Variants in GREM1 observed in about 807,000 individuals in gnomAD.
GREM1 encodes the protein gremlin 1, DAN family BMP antagonist, also known as gremlin-1.
GREM1 carries 6 observed loss-of-function variants against 13.1 expected under a neutral mutation model. The observed-to-expected ratio is 0.46, with a 90% CI of 0.25 to 0.91. The LOEUF is 0.91. Among genes scored for constraint, GREM1 ranks in the 40% least tolerant of loss-of-function variants. GREM1 has a pLI of 0.18. For missense variants in GREM1, 185 were observed against 233.9 expected (o/e 0.79, Z 1.36); for synonymous variants, 98 against 93.7 (o/e 1.05, Z -0.27).
chr15:32,722,256 C>T (rs2055420615), intron 1 of GREM1, among the ~76,000 whole-genome samples: 1 of 152,224 alleles, frequency 6.6e-6, no homozygotes. Context: ...AAAACCTGGC[C>T]TGCACTTAGA....
chr15:32,718,312 C>A (rs142114172), intron 1 of GREM1, 151 bp downstream of exon 1: 1 of 589,846 alleles, frequency 1.7e-6, no homozygotes, highest in Non-Finnish European at 3.0e-6. Flanking sequence ...GAAGAACCAT[C>A]GCGGGGTCCT....
rs1300014869 is a variant in GREM1, at chr15:32,732,457, T to A, written c.*1212T>A. 6 of 245,236 alleles carry A rather than the reference T, an allele frequency of 2.4e-5. No homozygotes were observed. Among genetic ancestry groups the A allele is most frequent in the Non-Finnish European group, 5.2e-5 (6 of 116,308 alleles). 15.2% of individuals were successfully genotyped at this position (245,236 alleles called of 1,614,324 possible). On this transcript the variant is annotated 3_prime_UTR_variant, in exon 2 of 2. Transcript: ENST00000651154. ...GCAAGAGATATTTTGGGGGTCTTTT[T>A]GTTTTAACTATTGTCAGGAGATTGG...
chr15:32,718,823 G>T (rs1198491656), intron 1 of GREM1: 2 of 304,732 alleles, frequency 6.6e-6, no homozygotes, highest in Non-Finnish European at 1.3e-5. Flanking sequence ...CAGCGAACCC[G>T]CAGTGCTCAC....
In GREM1 at chr15:32,734,159, T is replaced by G. The variant is rs1480715181; in HGVS notation, c.*2914T>G. The G allele has an allele frequency of 4.1e-6, 1 of 241,284 alleles. No homozygotes were observed. The highest frequency in any genetic ancestry group is 6.4e-5 in the East Asian group (1 of 15,606). 14.9% of individuals were successfully genotyped at this position (241,284 alleles called of 1,614,324 possible). On this transcript the variant is annotated 3_prime_UTR_variant, in exon 2 of 2. Coordinates refer to ENST00000651154, the MANE Select transcript of GREM1 (RefSeq NM_013372.7). ...CAAAATCTTGACCCAGCTGAACATG[T>G]CTTCCTGAGTCAGTGCCTGAATCTT...
rs2055723391 is a variant in GREM1 at position 32,738,106 on chromosome 15, A to ACC, written c.*6861_*6862insCC. On this transcript the variant is annotated 3_prime_UTR_variant, in exon 2 of 2. Coordinates refer to ENST00000651154, the MANE Select transcript of GREM1 (RefSeq NM_013372.7). ...GGCAAAAAAAAAAAAAAAAAAAAAAAAAAAAAAAAAAAAAAAAAAAAAAAA... is the reference window on the plus strand; with the variant it reads ...GGCAAAAAAAAAAAAAAAAAAAAAAACCAAAAAAAAAAAAAAAAAAAAAAAAA... 7 of 101,248 alleles carry ACC rather than the reference A, an allele frequency of 6.9e-5. No individual in the cohort carries two copies. The highest frequency in any genetic ancestry group is 1.2e-4 in the Admixed American group (1 of 8,494). 6.3% of individuals were successfully genotyped at this position (101,248 alleles called of 1,614,324 possible).
At chr15:32,722,338 C>A (rs2055421626) in intron 1 of GREM1, among the ~76,000 whole-genome samples, 1 of 152,200 alleles carries the variant, frequency 6.6e-6, no homozygotes, top group Admixed American at 6.5e-5. Flanking sequence ...GAATGTCTTT[C>A]TAAAGCTTGA....
At chr15:32,718,836 G>A in intron 1 of GREM1, 1 of 262,062 alleles carries the variant, frequency 3.8e-6, no homozygotes, top group Admixed American at 4.7e-5. Context: ...GTGCTCACAA[G>A]GCAGACACCA....
At chr15:32,728,891 G>A (rs917671757) in intron 1 of GREM1, among the ~76,000 whole-genome samples, 3 of 152,052 alleles carry the variant, frequency 2.0e-5, no homozygotes, top group Admixed American at 6.6e-5. Context: ...AATTCTCTCC[G>A]TGCCCCATGG....
Position 32,736,376 on chromosome 15 carries a change from T to C in GREM1, c.*5131T>C, listed in dbSNP as rs2055697740. 1 of 152,154 alleles carries C rather than the reference T, an allele frequency of 6.6e-6. No homozygotes were observed. 9.4% of individuals were successfully genotyped at this position (152,154 alleles called of 1,614,324 possible). On this transcript the variant is annotated 3_prime_UTR_variant, in exon 2 of 2. Transcript: ENST00000651154. ...AGGGACTTTGAAAAGCTCCAAAGTG[T>C]TATTGGCAATCTAGACTGCCAAATG...
intron 1 of GREM1, among the ~76,000 whole-genome samples, chr15:32,722,625 C>G (rs1307803246): frequency 6.6e-6 from 1 of 152,182 alleles, no homozygotes; most frequent in Non-Finnish European, 1.5e-5. Context: ...TTGCCATGAC[C>G]TGCACAGGAT....
In GREM1 at chr15:32,743,685, G is replaced by GT. The variant is rs2055780947; in HGVS notation, c.*12442dup. On this transcript the variant is annotated 3_prime_UTR_variant, in exon 2 of 2. Transcript: ENST00000651154. ...ATGTGGTGTACTCACGTGGCTGTTG[G>GT]TTGGAGGCCAAATGTGCTAGGCAAA... 1 of 152,134 alleles carries GT rather than the reference G, an allele frequency of 6.6e-6. No individual in the cohort carries two copies. The highest frequency in any genetic ancestry group is 2.4e-5 in the African/African-American group (1 of 41,414). 9.4% of individuals were successfully genotyped at this position (152,134 alleles called of 1,614,324 possible).
rs2055757646 is a variant in GREM1 at position 32,741,070 on chromosome 15, A to C, written c.*9825A>C. ...AGTTGTAAGGAAAAGAGATACAAGG[A>C]GTCAAAAATAACAAATATCTACTTA... On this transcript the variant is annotated 3_prime_UTR_variant, in exon 2 of 2. Coordinates refer to ENST00000651154, the MANE Select transcript of GREM1 (RefSeq NM_013372.7). The C allele has an allele frequency of 6.6e-6, 1 of 152,236 alleles. No homozygotes were observed. Among genetic ancestry groups the C allele is most frequent in the Non-Finnish European group, 1.5e-5 (1 of 68,040 alleles). The allele number at this position is 152,236 out of a possible 1,614,324, so 9.4% of individuals were successfully genotyped here. A position where few individuals can be genotyped will look rare whatever the true frequency, so the allele number is the denominator to read the frequency against.
Position 32,731,090 on chromosome 15 carries a change from G to A in GREM1, c.400G>A (p.Glu134Lys), listed in dbSNP as rs1202298191. ...CTACATCCCCAGGCACATCCGGAAGGAGGAAGGTTCCTTTCAGTCCTGCTC... is the reference window on the plus strand; with the variant it reads ...CTACATCCCCAGGCACATCCGGAAGAAGGAAGGTTCCTTTCAGTCCTGCTC... ...SFYIPRHIRK[E>K]EGSFQSCSFC... The change falls in exon 2 of 2, where the codon GAG (glutamate) becomes AAG (lysine). Residue 134 changes from glutamate (E) to lysine (K), a missense_variant. By Grantham distance (56) the Glu-to-Lys change is moderately conservative. Transcript: ENST00000651154. 1.2e-6 allele frequency: 2 copies of A among 1,614,208 alleles called. No individual in the cohort carries two copies. Among genetic ancestry groups the A allele is most frequent in the South Asian group, 2.2e-5 (2 of 91,090 alleles).
In GREM1 at chr15:32,730,718, GCCCTGCTTCTCCTCTTGGGGA is replaced by G; in HGVS notation, c.36_56del (p.Leu13_Leu19del). 6.3e-7 allele frequency: 1 copy of G among 1,578,858 alleles called. No individual in the cohort carries two copies. Among genetic ancestry groups the G allele is most frequent in the Non-Finnish European group, 8.6e-7 (1 of 1,165,726 alleles). ...GAGCCGCACAGCCTACACGGTGGGAGCCCTGCTTCTCCTCTTGGGGACCCTGCTGCCGGCTGCTGAAGGGAA... is the reference window on the plus strand; with the variant it reads ...GAGCCGCACAGCCTACACGGTGGGAGCCCTGCTGCCGGCTGCTGAAGGGAA... On this transcript the variant is annotated inframe_deletion, in exon 2 of 2. Transcript: ENST00000651154.
At chr15:32,727,881 T>C (rs1249211384) in intron 1 of GREM1, among the ~76,000 whole-genome samples, 1 of 152,120 alleles carries the variant, frequency 6.6e-6, no homozygotes, top group Non-Finnish European at 1.5e-5. Context: ...TGAACTCCCA[T>C]TCACAAGTGC....
intron 1 of GREM1, among the ~76,000 whole-genome samples, chr15:32,724,422 ACTC>A (rs1463570885): frequency 2.6e-5 from 4 of 152,238 alleles, no homozygotes; most frequent in African/African-American, 9.6e-5. Context: ...CATCCCATGT[ACTC>A]CTCCTCTGAA....
In GREM1 at chr15:32,743,251, A is replaced by T. The variant is rs946173884; in HGVS notation, c.*12006A>T. The T allele has an allele frequency of 3.3e-5, 5 of 152,296 alleles. No homozygotes were observed. Among genetic ancestry groups the T allele is most frequent in the Admixed American group, 2.0e-4 (3 of 15,294 alleles). 9.4% of individuals were successfully genotyped at this position (152,296 alleles called of 1,614,324 possible). On this transcript the variant is annotated 3_prime_UTR_variant, in exon 2 of 2. Transcript: ENST00000651154. The stretch of plus-strand genomic sequence containing the variant: ...AGAAAGATTTTTTTCTTTCTCTAGG[A>T]TGACAAGTTATATATAATAAGCCTG...
intron 1 of GREM1, among the ~76,000 whole-genome samples, chr15:32,724,740 C>T (rs1295869877): frequency 1.3e-5 from 2 of 151,930 alleles, no homozygotes; most frequent in Admixed American, 1.3e-4. Context: ...CTGCACCCAT[C>T]AACCCATCAT....
rs1039925336 is a variant in GREM1 at position 32,743,718 on chromosome 15, G to C, written c.*12473G>C. 6.6e-6 allele frequency: 1 copy of C among 151,956 alleles called. No individual in the cohort carries two copies. The highest frequency in any genetic ancestry group is 1.5e-5 in the Non-Finnish European group (1 of 67,990). The allele number at this position is 151,956 out of a possible 1,614,324, so 9.4% of individuals were successfully genotyped here. On this transcript the variant is annotated 3_prime_UTR_variant, in exon 2 of 2. Coordinates refer to ENST00000651154, the MANE Select transcript of GREM1 (RefSeq NM_013372.7). ...CCAAATGTGCTAGGCAAAGCCTCAT[G>C]CACATTTCTCTGTAAGGAAACAAAG...
Sources: gnomAD v4.1 joint callset for allele counts (sites outside exome capture counted in the v4.1 genomes callset) on GRCh38, gnomAD v4.1.1 for gene constraint, MANE v1.5 for transcripts, NCBI Gene and HGNC (gene_info 2026-07-23, HGNC 2026-07-21) for gene names.